Variants in MSRA observed in about 807,000 individuals in gnomAD.
MSRA encodes mitochondrial peptide methionine sulfoxide reductase.
Under a neutral mutation model 31.3 loss-of-function variants are expected in MSRA, and 54 were observed. The observed-to-expected ratio is 1.73, with a 90% CI of 1.39 to 2.17. The LOEUF is 2.17. Among genes scored for constraint, MSRA ranks in the 30% most tolerant of loss-of-function variants. The pLI, the probability that MSRA is intolerant of heterozygous loss-of-function variation, is 0.00. For missense variants in MSRA, 507 were observed against 300.9 expected (o/e 1.69, Z -5.07); for synonymous variants, 169 against 116.5 (o/e 1.45, Z -2.90).
At chr8:10,258,178 A>G (rs75128471) in intron 3 of MSRA, among the ~76,000 whole-genome samples, 141 of 152,234 alleles carry the variant, frequency 9.3e-4, no homozygotes, top group African/African-American at 3.3e-3. Flanking sequence ...CCCCATAATT[A>G]GTAAGCGGCA....
chr8:10,418,925 T>C (rs1397032852), intron 5 of MSRA, among the ~76,000 whole-genome samples: 1 of 141,408 alleles, frequency 7.1e-6, no homozygotes, highest in Admixed American at 7.3e-5. Context: ...GCCACTGCAC[T>C]CCAGCCTGGG....
chr8:10,425,335 A>T (rs141791860), intron 5 of MSRA, among the ~76,000 whole-genome samples: 2 of 152,178 alleles, frequency 1.3e-5, no homozygotes, highest in East Asian at 3.9e-4. Flanking sequence ...TTTCTTAGTG[A>T]AGTGTCTGCC....
At chr8:10,204,419 C>CT (rs202023146) in intron 1 of MSRA, among the ~76,000 whole-genome samples, 7 of 152,180 alleles carry the variant, frequency 4.6e-5, no homozygotes, top group East Asian at 1.9e-4. Flanking sequence ...ACAGGTGTAC[C>CT]TTTTTTTTAA....
intron 5 of MSRA, among the ~76,000 whole-genome samples, chr8:10,343,101 A>C (rs890655251): frequency 1.3e-5 from 2 of 152,002 alleles, no homozygotes; most frequent in African/African-American, 4.8e-5. Context: ...TAATTCTTAG[A>C]GGGATACATT....
rs574732177 is a variant in MSRA at position 10,409,449 on chromosome 8, A to C, written c.544-18699A>C. On this transcript the variant is annotated intron_variant, in intron 5 of 5. Coordinates refer to ENST00000317173, the MANE Select transcript of MSRA (RefSeq NM_012331.5). The stretch of plus-strand genomic sequence containing the variant: ...GGGGACATGGAATTCTTTTTAGTTA[A>C]GATGGCAGATTTGGTGAGTGGTTGA... 6.5e-4 allele frequency among the ~76,000 whole-genome samples: 99 copies of C among 152,350 alleles called. 1 individual carries two copies. Among genetic ancestry groups the C allele is most frequent in the Non-Finnish European group, 1.8e-4 (12 of 68,024 alleles).
intron 5 of MSRA, among the ~76,000 whole-genome samples, chr8:10,354,571 C>T (rs1191333326): frequency 6.6e-6 from 1 of 151,932 alleles, no homozygotes; most frequent in Non-Finnish European, 1.5e-5. Flanking sequence ...GGAATAAATA[C>T]CTTAAACAAT....
intron 2 of MSRA, among the ~76,000 whole-genome samples, chr8:10,233,163 C>G (rs1009324669): frequency 6.6e-6 from 1 of 152,172 alleles, no homozygotes; most frequent in African/African-American, 2.4e-5. Flanking sequence ...AGTCCAGGCC[C>G]TCTGGGTTTT....
At position 10,404,306 on chromosome 8, in the gene MSRA, C is replaced by A. The variant is rs1333039497; in HGVS notation, c.544-23842C>A. Reference sequence around the variant, plus strand: ...AGAGAAGCGTCCCCCTGGAATCTTTCTTTTCCTGACAACACTAGATGCCTT... The same window carrying A: ...AGAGAAGCGTCCCCCTGGAATCTTTATTTTCCTGACAACACTAGATGCCTT... On this transcript the variant is annotated intron_variant, in intron 5 of 5. Coordinates refer to ENST00000317173, the MANE Select transcript of MSRA (RefSeq NM_012331.5). Among the ~76,000 whole-genome samples, 7 of 152,284 alleles carry A rather than the reference C, an allele frequency of 4.6e-5. No homozygotes were observed. The South Asian group carries it at 8.3e-4, about 18-fold the overall frequency.
intron 3 of MSRA, among the ~76,000 whole-genome samples, chr8:10,286,316 T>C (rs1423169361): frequency 1.3e-5 from 2 of 152,164 alleles, no homozygotes; most frequent in Non-Finnish European, 2.9e-5. Flanking sequence ...AATTGAATCA[T>C]GGGGGCAGGT....
chr8:10,280,299 G>A (rs995608535), intron 3 of MSRA, among the ~76,000 whole-genome samples: 3 of 151,164 alleles, frequency 2.0e-5, no homozygotes, highest in Non-Finnish European at 2.9e-5. Flanking sequence ...AAATACCTTC[G>A]TATAGTTGTC....
intron 1 of MSRA, among the ~76,000 whole-genome samples, chr8:10,103,349 A>G (rs756646736): frequency 6.6e-6 from 1 of 152,200 alleles, no homozygotes; most frequent in Non-Finnish European, 1.5e-5. Flanking sequence ...AAGATGATGC[A>G]TGTAACTTTG....
chr8:10,133,993 GC>G (rs1802085446), intron 1 of MSRA, among the ~76,000 whole-genome samples: 1 of 151,994 alleles, frequency 6.6e-6, no homozygotes, highest in African/African-American at 2.4e-5. Flanking sequence ...ACCATGCCTG[GC>G]TAATTTTTGT....
In MSRA at chr8:10,323,428, G is replaced by A. The variant is rs1585470196; in HGVS notation, c.543+3439G>A. On this transcript the variant is annotated intron_variant, in intron 5 of 5. Transcript: ENST00000317173. The stretch of plus-strand genomic sequence containing the variant: ...GCCCTCCAGAATACTGAAATATGAT[G>A]ATATCCTGGTGTTTGCAATGAAGAT... Among the ~76,000 whole-genome samples the A allele has an allele frequency of 2.6e-5, 4 of 152,108 alleles. No homozygotes were observed. The East Asian group carries it at 7.7e-4, about 29-fold the overall frequency.
At chr8:10,377,927 G>A (rs1458340593) in intron 5 of MSRA, among the ~76,000 whole-genome samples, 5 of 152,218 alleles carry the variant, frequency 3.3e-5, no homozygotes, top group South Asian at 2.1e-4. Context: ...GAGGGACTGC[G>A]CTTGAGCTTA....
At chr8:10,069,489 T>C (rs556895283) in intron 1 of MSRA, among the ~76,000 whole-genome samples, 54 of 152,358 alleles carry the variant, frequency 3.5e-4, no homozygotes, top group Non-Finnish European at 7.3e-4. Flanking sequence ...TTCTCACAGC[T>C]CCGGAGGCTG....
At chr8:10,404,119 G>T (rs1170867231) in intron 5 of MSRA, among the ~76,000 whole-genome samples, 1 of 152,134 alleles carries the variant, frequency 6.6e-6, no homozygotes, top group Non-Finnish European at 1.5e-5. Context: ...AAAGGATCTA[G>T]GGGGTGCCCT....
chr8:10,399,198 G>A (rs1014127321), intron 5 of MSRA, among the ~76,000 whole-genome samples: 3 of 152,352 alleles, frequency 2.0e-5, no homozygotes, highest in Admixed American at 2.0e-4. Flanking sequence ...GTGCAAAGGT[G>A]AACAGAGGAC....
chr8:10,318,734 C>T (rs1801868865), intron 4 of MSRA, among the ~76,000 whole-genome samples: 1 of 152,200 alleles, frequency 6.6e-6, no homozygotes, highest in African/African-American at 2.4e-5. Context: ...TTGGTTCTTT[C>T]TTCTAGGTTT....
At chr8:10,356,942 C>T (rs1051591672) in intron 5 of MSRA, among the ~76,000 whole-genome samples, 7 of 150,578 alleles carry the variant, frequency 4.6e-5, no homozygotes, top group East Asian at 1.9e-4. Flanking sequence ...CTTTAAAACA[C>T]GCAGCTTGCC....
Sources: allele counts gnomAD v4.1 joint callset (sites outside exome capture counted in the v4.1 genomes callset), GRCh38; gene constraint gnomAD v4.1.1; transcripts MANE v1.5; gene names NCBI Gene and HGNC (gene_info 2026-07-23, HGNC 2026-07-21).